DOK5: variants seen among roughly 807,000 people sequenced by gnomAD.
DOK5 encodes docking protein 5.
A neutral mutation model predicts 43.3 loss-of-function variants in DOK5; 27 were observed. That is an observed-to-expected ratio of 0.62 (90% CI 0.46 to 0.86). DOK5 has a LOEUF of 0.86. Among genes scored for constraint, DOK5 ranks in the 40% least tolerant of loss-of-function variants. The pLI, the probability that DOK5 is intolerant of heterozygous loss-of-function variation, is 0.00. For synonymous variants in DOK5, 146 were observed against 140.1 expected (o/e 1.04, Z -0.30); for missense variants, 373 against 392.9 (o/e 0.95, Z 0.43).
chr20:54,529,980 A>G (rs1382401312), intron 1 of DOK5, among the ~76,000 whole-genome samples: 3 of 152,142 alleles, frequency 2.0e-5, no homozygotes, highest in Non-Finnish European at 2.9e-5. Flanking sequence ...CCATTTATAC[A>G]TTTGGGTTTG....
chr20:54,553,742 C>T (rs2146728231), intron 1 of DOK5, among the ~76,000 whole-genome samples: 1 of 150,888 alleles, frequency 6.6e-6, no homozygotes, highest in African/African-American at 2.4e-5. Flanking sequence ...TAAAAAAATA[C>T]AAAAATTAGC....
At chr20:54,603,940 A>ATTT (rs35690531) in intron 5 of DOK5, among the ~76,000 whole-genome samples, 1,102 of 76,260 alleles carry the variant, frequency 0.014, 79 homozygotes, top group African/African-American at 0.025. Context: ...TTCAAACTGT[A>ATTT]TTTTTTTTTT....
At chr20:54,633,359 C>T (rs1455843556) in intron 6 of DOK5, among the ~76,000 whole-genome samples, 1 of 151,606 alleles carries the variant, frequency 6.6e-6, no homozygotes, top group African/African-American at 2.4e-5. Context: ...AGATGAGAGC[C>T]GAGATTTCAG....
At chr20:54,554,238 A>G (rs1984633712) in intron 1 of DOK5, among the ~76,000 whole-genome samples, 1 of 152,176 alleles carries the variant, frequency 6.6e-6, no homozygotes, top group African/African-American at 2.4e-5. Context: ...AAGAACTAAA[A>G]TGTCTCTTTT....
At chr20:54,594,708 T>C (rs1182251128) in intron 5 of DOK5, among the ~76,000 whole-genome samples, 2 of 152,150 alleles carry the variant, frequency 1.3e-5, no homozygotes, top group East Asian at 3.8e-4. Flanking sequence ...CAGGAAATAG[T>C]AGTAGAAAAA....
At chr20:54,568,918 C>A (rs1439080447) in intron 2 of DOK5, among the ~76,000 whole-genome samples, 1 of 137,914 alleles carries the variant, frequency 7.3e-6, no homozygotes, top group Admixed American at 8.1e-5. Flanking sequence ...GGCGACAGAG[C>A]AAGACTCTAT....
chr20:54,649,067 G>T (rs1322150432), intron 7 of DOK5, among the ~76,000 whole-genome samples: 1 of 152,182 alleles, frequency 6.6e-6, no homozygotes, highest in Non-Finnish European at 1.5e-5. Flanking sequence ...TCAAAGAGTG[G>T]CACTAAACAG....
At chr20:54,584,976 C>T (rs1985759035) in intron 2 of DOK5, among the ~76,000 whole-genome samples, 1 of 152,132 alleles carries the variant, frequency 6.6e-6, no homozygotes. Flanking sequence ...GAAATAAATA[C>T]ATCTTTGAAA....
intron 1 of DOK5, among the ~76,000 whole-genome samples, chr20:54,518,503 T>C (rs1983279849): frequency 6.6e-6 from 1 of 152,216 alleles, no homozygotes; most frequent in Non-Finnish European, 1.5e-5. Flanking sequence ...ATGTGCCACA[T>C]TTTCTTAATC....
At chr20:54,543,677 G>A (rs922856321) in intron 1 of DOK5, among the ~76,000 whole-genome samples, 13 of 151,888 alleles carry the variant, frequency 8.6e-5, no homozygotes, top group South Asian at 4.2e-4. Context: ...TGCAACCTCC[G>A]CCTAATTTAC....
At chr20:54,495,738 C>T (rs141949402) in intron 1 of DOK5, among the ~76,000 whole-genome samples, 256 of 152,064 alleles carry the variant, frequency 1.7e-3, no homozygotes, top group Non-Finnish European at 2.8e-3. Context: ...AATAATTAGC[C>T]GGGTATGATG....
chr20:54,506,541 G>A (rs1982810498), intron 1 of DOK5, among the ~76,000 whole-genome samples: 1 of 152,148 alleles, frequency 6.6e-6, no homozygotes, highest in African/African-American at 2.4e-5. Context: ...GCTCACCGCA[G>A]CCTCCACCTC....
In DOK5 at chr20:54,628,408, CAAAAAAAAAAAAAAAAA is replaced by C. The variant is rs56730310; in HGVS notation, c.736-15029_736-15013del. Among the ~76,000 whole-genome samples the C allele has an allele frequency of 3.2e-3, 74 of 23,448 alleles. 1 individual carries two copies. In the South Asian group the frequency reaches 0.12, roughly 37 times the overall value. 15.4% of individuals were successfully genotyped at this position (23,448 alleles called of 152,430 possible). A position where few individuals can be genotyped will look rare whatever the true frequency, so the allele number is the denominator to read the frequency against. On this transcript the variant is annotated intron_variant, in intron 6 of 7. Coordinates refer to ENST00000262593, the MANE Select transcript of DOK5 (RefSeq NM_018431.5). ...TGGGCGACAGAGCGAGACTCCGTCTCAAAAAAAAAAAAAAAAAAAAAAAAAAAAAAAAAAAAAGAATT... is the reference window on the plus strand; with the variant it reads ...TGGGCGACAGAGCGAGACTCCGTCTCAAAAAAAAAAAAAAAAAAAAGAATT...
intron 2 of DOK5, among the ~76,000 whole-genome samples, chr20:54,573,334 C>T (rs1354224938): frequency 6.6e-6 from 1 of 152,042 alleles, no homozygotes; most frequent in Admixed American, 6.6e-5. Flanking sequence ...AGAAAAAGAC[C>T]ACATAAATGA....
intron 5 of DOK5, among the ~76,000 whole-genome samples, chr20:54,599,620 A>G (rs6023397): frequency 0.18 from 27,346 of 152,208 alleles, 4,618 homozygotes; most frequent in African/African-American, 0.44. Context: ...AATAGCATGC[A>G]AAATTCTTGA....
intron 5 of DOK5, among the ~76,000 whole-genome samples, chr20:54,603,386 T>G (rs1434934117): frequency 6.6e-6 from 1 of 152,152 alleles, no homozygotes; most frequent in Non-Finnish European, 1.5e-5. Context: ...GCAATGCCAG[T>G]GATTGGAACA....
intron 1 of DOK5, among the ~76,000 whole-genome samples, chr20:54,523,045 A>T (rs1983466341): frequency 6.6e-6 from 1 of 152,172 alleles, no homozygotes; most frequent in Admixed American, 6.5e-5. Flanking sequence ...GGTACATAAT[A>T]GGTGCTCAAA....
At chr20:54,542,445 T>C (rs1355045184) in intron 1 of DOK5, among the ~76,000 whole-genome samples, 4 of 152,220 alleles carry the variant, frequency 2.6e-5, no homozygotes, top group Admixed American at 2.6e-4. Context: ...CTTTCTGCAG[T>C]GCTTCTGCTT....
chr20:54,484,403 T>C (rs891354317), intron 1 of DOK5, among the ~76,000 whole-genome samples: 1 of 151,058 alleles, frequency 6.6e-6, no homozygotes, highest in African/African-American at 2.5e-5. Context: ...TTAAGATCAA[T>C]ATTTCATTAT....
Sources: allele counts gnomAD v4.1 joint callset (sites outside exome capture counted in the v4.1 genomes callset), GRCh38; gene constraint gnomAD v4.1.1; transcripts MANE v1.5; gene names NCBI Gene and HGNC (gene_info 2026-07-23, HGNC 2026-07-21).